Variants in RBPJ observed in about 807,000 individuals in gnomAD.
RBPJ encodes recombining binding protein suppressor of hairless.
Under a neutral mutation model 67.8 loss-of-function variants are expected in RBPJ, and 9 were observed. That is an observed-to-expected ratio of 0.13 (90% CI 0.08 to 0.23). The LOEUF is 0.23. Among genes scored for constraint, RBPJ ranks in the 10% least tolerant of loss-of-function variants. The pLI is 1.00. For missense variants in RBPJ, 305 were observed against 595.6 expected, an observed-to-expected ratio of 0.51 and a Z score of 5.08; for synonymous variants, 198 against 203.3, an observed-to-expected ratio of 0.97 and a Z score of 0.22.
chr4:26,340,016 C>T (rs1725341137), intron 1 of RBPJ, among the ~76,000 whole-genome samples: 1 of 149,470 alleles, frequency 6.7e-6, no homozygotes, highest in Admixed American at 6.6e-5. Context: ...AAGACTCCAT[C>T]TAAAAAAAAA....
rs780633529 is a variant in RBPJ at position 26,337,869 on chromosome 4, TAGAG to T, written c.20+16826_20+16829del. Among the ~76,000 whole-genome samples, 48 of 151,998 alleles carry T rather than the reference TAGAG, an allele frequency of 3.2e-4. 1 individual carries two copies. The highest frequency in any genetic ancestry group is 1.7e-3 in the East Asian group (9 of 5,168). On this transcript the variant is annotated intron_variant, in intron 1 of 10. Transcript: ENST00000355476. ...GCTTGGCTAATTTTTAAGTTTTTGA[TAGAG>T]AGAGCAACTCACCACGTTGCCCAGG...
chr4:26,421,372 A>C lies in RBPJ; in HGVS notation c.496+647A>C, dbSNP rs941380705. Among the ~76,000 whole-genome samples the C allele has an allele frequency of 1.1e-4, 17 of 151,452 alleles. 1 individual carries two copies. Among genetic ancestry groups the C allele is most frequent in the African/African-American group, 4.1e-4 (17 of 41,250 alleles). ...GGCTGGAGTGCAGTGGCAGGATCTCAGCTCACTGCAACCTCCACCTCCCGG... is the reference window on the plus strand; with the variant it reads ...GGCTGGAGTGCAGTGGCAGGATCTCCGCTCACTGCAACCTCCACCTCCCGG... On this transcript the variant is annotated intron_variant, in intron 5 of 10. Transcript: ENST00000355476.
chr4:26,320,676 GTAA>G, upstream of RBPJ: 1 of 1,488,718 alleles, frequency 6.7e-7, no homozygotes, highest in Non-Finnish European at 9.0e-7. Flanking sequence ...CGTCCCCGTA[GTAA>G]TCCCCTCCGG....
At chr4:26,210,686 C>CTTTCTTTCTTTCCTTT (rs56289492) in intron 1 of RBPJ, among the ~76,000 whole-genome samples, 1 of 65,396 alleles carries the variant, frequency 1.5e-5, no homozygotes, top group African/African-American at 5.3e-5. Context: ...TTCTTTCTTT[C>CTTTCTTTCTTTCCTTT]CTTTCTTTCT....
At chr4:26,247,678 G>A (rs1719973565) in intron 1 of RBPJ, among the ~76,000 whole-genome samples, 1 of 152,018 alleles carries the variant, frequency 6.6e-6, no homozygotes, top group African/African-American at 2.4e-5. Context: ...CCAAAGTGCT[G>A]GGATTACAGG....
chr4:26,387,797 G>A (rs1731074664), intron 2 of RBPJ, among the ~76,000 whole-genome samples: 1 of 152,200 alleles, frequency 6.6e-6, no homozygotes, highest in African/African-American at 2.4e-5. Context: ...TTAGGGCTAT[G>A]AATTGTGCCT....
At chr4:26,165,924 T>A (rs577321423) in intron 1 of RBPJ, among the ~76,000 whole-genome samples, 3 of 146,416 alleles carry the variant, frequency 2.0e-5, no homozygotes, top group Admixed American at 1.4e-4. Context: ...TGTCCATGTG[T>A]TCTCATTGTT....
At chr4:26,349,109 A>G (rs1726526157) in intron 1 of RBPJ, among the ~76,000 whole-genome samples, 1 of 115,726 alleles carries the variant, frequency 8.6e-6, no homozygotes, top group South Asian at 2.9e-4. Context: ...CGCACTTGCC[A>G]GGCTCTAGAG....
intron 1 of RBPJ, among the ~76,000 whole-genome samples, chr4:26,345,125 GTTA>G (rs1560281817): frequency 1.3e-5 from 2 of 152,128 alleles, no homozygotes; most frequent in African/African-American, 4.8e-5. Context: ...GTGAATCGTA[GTTA>G]TTATTCATAG....
chr4:26,289,695 A>G (rs1213004296), intron 1 of RBPJ, among the ~76,000 whole-genome samples: 1 of 150,772 alleles, frequency 6.6e-6, no homozygotes, highest in Non-Finnish European at 1.5e-5. Context: ...TTAACCCTGA[A>G]TGTAAACAGA....
chr4:26,255,629 C>T lies in RBPJ; in HGVS notation c.-167+92015C>T, dbSNP rs1251699011. ...CATCCTGGCTAACACGGTGAAACCC[C>T]GTCTCTACTAAAAATACAAAAAATT... On this transcript the variant is annotated intron_variant, in intron 1 of 4. Transcript: ENST00000512351. Among the ~76,000 whole-genome samples, 11 of 149,560 alleles carry T rather than the reference C, an allele frequency of 7.4e-5. No homozygotes were observed. The South Asian group carries it at 1.1e-3, about 14-fold the overall frequency.
At chr4:26,356,915 C>T (rs1339575668) in intron 1 of RBPJ, among the ~76,000 whole-genome samples, 2 of 152,044 alleles carry the variant, frequency 1.3e-5, no homozygotes, top group African/African-American at 4.8e-5. Flanking sequence ...GTCTGAGAAT[C>T]GAATAGATAT....
At chr4:26,335,387 G>A (rs1724705033) in intron 1 of RBPJ, among the ~76,000 whole-genome samples, 1 of 151,718 alleles carries the variant, frequency 6.6e-6, no homozygotes, top group South Asian at 2.1e-4. Context: ...TCACCATGTT[G>A]GCCAGGATGG....
chr4:26,149,471 A>T, the RBPJ span, among the ~76,000 whole-genome samples: 2 of 152,196 alleles, frequency 1.3e-5, no homozygotes, highest in South Asian at 4.1e-4. Context: ...TATTGTTCGG[A>T]TGTATTCCCC....
At chr4:26,196,450 A>G (rs1045171642) in intron 1 of RBPJ, among the ~76,000 whole-genome samples, 9 of 152,108 alleles carry the variant, frequency 5.9e-5, no homozygotes, top group Non-Finnish European at 1.0e-4. Context: ...AGCAGGTGTG[A>G]CTGCTCGTGG....
intron 1 of RBPJ, among the ~76,000 whole-genome samples, chr4:26,195,584 G>GT (rs949273744): frequency 2.1e-4 from 32 of 150,964 alleles, no homozygotes; most frequent in East Asian, 3.9e-4. Context: ...CTCTGAGTAT[G>GT]TTTTTTTTTG....
At chr4:26,256,077 A>T (rs7677206) in intron 1 of RBPJ, among the ~76,000 whole-genome samples, 7,942 of 152,100 alleles carry the variant, frequency 0.052, 281 homozygotes, top group East Asian at 0.11. Context: ...ATTCATGAAT[A>T]GTTTTAAACC....
upstream of RBPJ, among the ~76,000 whole-genome samples, chr4:26,316,789 C>CT (rs1373133522): frequency 8.5e-6 from 1 of 118,328 alleles, no homozygotes; most frequent in East Asian, 2.7e-4. Flanking sequence ...AAAGGAAACT[C>CT]TTAAGTGCAG....
chr4:26,244,231 ATG>A lies in RBPJ; in HGVS notation c.-167+80621_-167+80622del, dbSNP rs1196558350. On this transcript the variant is annotated intron_variant, in intron 1 of 4. Coordinates refer to the RBPJ transcript ENST00000512351. ...TGTATACACATATGTGTACACATAT[ATG>A]TGTCTATATATGTGTACACATACAC... Among the ~76,000 whole-genome samples the A allele has an allele frequency of 9.1e-5, 4 of 44,034 alleles. 1 individual carries two copies. Among genetic ancestry groups the A allele is most frequent in the Non-Finnish European group, 1.5e-4 (3 of 19,444 alleles). 28.9% of individuals were successfully genotyped at this position (44,034 alleles called of 152,430 possible).
Sources: allele counts gnomAD v4.1 joint callset (sites outside exome capture counted in the v4.1 genomes callset), GRCh38; gene constraint gnomAD v4.1.1; transcripts MANE v1.5; gene names NCBI Gene and HGNC (gene_info 2026-07-23, HGNC 2026-07-21).